THSD7A: variants seen among roughly 807,000 people sequenced by gnomAD.
THSD7A encodes the protein thrombospondin type 1 domain containing 7A, also known as thrombospondin type-1 domain-containing protein 7A.
THSD7A carries 96 observed loss-of-function variants against 231.3 expected under a neutral mutation model. The ratio of observed to expected loss-of-function variants is 0.41; its 90% CI spans 0.35 to 0.49. The LOEUF is 0.49. Ranked by LOEUF, THSD7A falls within the 20% of genes least tolerant of loss-of-function variation. The pLI is 0.05. For missense variants in THSD7A, 2,290 were observed against 2,070.2 expected (o/e 1.11, Z -2.06); for synonymous variants, 940 against 743.3 (o/e 1.26, Z -4.30).
Position 11,382,545 on chromosome 7 carries a change from T to G in THSD7A, c.4483A>C (p.Arg1495=). 1 of 1,612,742 alleles carries G rather than the reference T, an allele frequency of 6.2e-7. No homozygotes were observed. The highest frequency in any genetic ancestry group is 8.5e-7 in the Non-Finnish European group (1 of 1,179,108). ...CCTGTTACATTTATACCATCTGACCTTTGACACCACACTGTTCGGGAAGAG... is the reference window on the plus strand; with the variant it reads ...CCTGTTACATTTATACCATCTGACCGTTGACACCACACTGTTCGGGAAGAG... ...KGSSRTVWCQ[R]SDGINVTGGC... The change falls in exon 24 of 28, where the codon AGG becomes CGG. Residue 1495 remains arginine, a synonymous_variant. Coordinates refer to ENST00000423059, the MANE Select transcript of THSD7A (RefSeq NM_015204.3).
At chr7:11,611,787 AACACACACACAC>A (rs56683135) in intron 2 of THSD7A, among the ~76,000 whole-genome samples, 6,207 of 138,748 alleles carry the variant, frequency 0.045, 174 homozygotes, top group East Asian at 0.12. Context: ...AGTACCATAA[AACACACACACAC>A]ACACACACAC....
chr7:11,442,578 T>A (rs1241231543), intron 13 of THSD7A, among the ~76,000 whole-genome samples: 5 of 152,050 alleles, frequency 3.3e-5, no homozygotes, highest in African/African-American at 1.2e-4. Flanking sequence ...AGAAAGAAGT[T>A]GTCATAGAGA....
At position 11,411,836 on chromosome 7, in the gene THSD7A, G is replaced by GTCTT. The variant is rs1306858980; in HGVS notation, c.3683-518_3683-515dup. 6.6e-6 allele frequency among the ~76,000 whole-genome samples: 1 copy of GTCTT among 151,650 alleles called. No individual in the cohort carries two copies. Among genetic ancestry groups the GTCTT allele is most frequent in the Non-Finnish European group, 1.5e-5 (1 of 67,956 alleles). ...TGGCCATATTTATTCATTCTCTTAT[G>GTCTT]TCTTTCGTAAGAAGACATAAAAGAC... is the stretch of plus-strand genomic sequence containing the variant. On this transcript the variant is annotated intron_variant, in intron 18 of 27. Transcript: ENST00000423059. The surrounding 1 kb of genome is among the most constrained non-coding windows in gnomAD (Gnocchi z 4.1).
intron 4 of THSD7A, among the ~76,000 whole-genome samples, chr7:11,575,696 T>A (rs1342661386): frequency 6.6e-6 from 1 of 152,234 alleles, no homozygotes; most frequent in Non-Finnish European, 1.5e-5. Context: ...TACATCCATT[T>A]CGAAGTCTAT....
chr7:11,757,195 G>C (rs1362694215), intron 1 of THSD7A, among the ~76,000 whole-genome samples: 2 of 151,988 alleles, frequency 1.3e-5, no homozygotes, highest in African/African-American at 4.8e-5. Flanking sequence ...CACAATGGTA[G>C]AACAGCATTG....
chr7:11,572,070 A>G (rs1204469531), intron 4 of THSD7A, among the ~76,000 whole-genome samples: 1 of 152,110 alleles, frequency 6.6e-6, no homozygotes, highest in African/African-American at 2.4e-5. Context: ...TATTCCATTA[A>G]TCACTGAATC....
Position 11,590,460 on chromosome 7 carries a change from C to G in THSD7A, c.1453G>C (p.Ala485Pro). 1.2e-6 allele frequency: 2 copies of G among 1,607,396 alleles called. No individual in the cohort carries two copies. The highest frequency in any genetic ancestry group is 1.7e-6 in the Non-Finnish European group (2 of 1,177,028). Reference sequence around the variant, plus strand: ...TCCTTGAGAAGAAAGCAAAGGTTACCTTCTTTGTTCTTGTGGGTACTTAAT... The same window carrying G: ...TCCTTGAGAAGAAAGCAAAGGTTACGTTCTTTGTTCTTGTGGGTACTTAAT... Reference protein sequence around the residue: ...SQLSTHKNKEASKPMDLKLCT... With the variant: ...SQLSTHKNKEPSKPMDLKLCT... The change falls in exon 4 of 28, where the codon GCC (alanine) becomes CCC (proline). Residue 485 changes from alanine to proline, a missense_variant and splice_region_variant. By Grantham distance (27) the Ala-to-Pro change is conservative (BLOSUM62 -1). Coordinates refer to ENST00000423059, the MANE Select transcript of THSD7A (RefSeq NM_015204.3). The surrounding 1 kb of genome is among the most constrained non-coding windows in gnomAD (Gnocchi z 4.4).
chr7:11,776,079 C>G (rs1783395985), intron 1 of THSD7A, among the ~76,000 whole-genome samples: 1 of 152,096 alleles, frequency 6.6e-6, no homozygotes, highest in African/African-American at 2.4e-5. Context: ...CTTCTGATGT[C>G]GAAGCAGATG....
intron 4 of THSD7A, among the ~76,000 whole-genome samples, chr7:11,563,384 G>T (rs1562721758): frequency 6.6e-6 from 1 of 151,952 alleles, no homozygotes; most frequent in Non-Finnish European, 1.5e-5. Context: ...TTTTGAGACG[G>T]AGTGTCCCTC....
chr7:11,729,816 C>T (rs762446807), intron 1 of THSD7A, among the ~76,000 whole-genome samples: 42 of 151,650 alleles, frequency 2.8e-4, no homozygotes, highest in Non-Finnish European at 4.7e-4. Context: ...CTGAAGTACC[C>T]ATGGATACCA....
intron 1 of THSD7A, among the ~76,000 whole-genome samples, chr7:11,779,174 C>T (rs1030042719): frequency 2.6e-4 from 39 of 152,126 alleles, no homozygotes; most frequent in African/African-American, 9.2e-4. Context: ...ATATATCAAG[C>T]TCTTTTAATT....
chr7:11,536,468 T>C (rs567455497), intron 6 of THSD7A, among the ~76,000 whole-genome samples: 92 of 152,318 alleles, frequency 6.0e-4, no homozygotes, highest in African/African-American at 2.2e-3. Context: ...TATGGAGAAT[T>C]GGAAGTTTCT....
At chr7:11,464,743 T>C (rs1300198698) in intron 9 of THSD7A, among the ~76,000 whole-genome samples, 1 of 152,114 alleles carries the variant, frequency 6.6e-6, no homozygotes, top group African/African-American at 2.4e-5. Flanking sequence ...TGTGACCTGA[T>C]TCAAGTGGAA....
At chr7:11,376,723 A>G (rs1182372565) in intron 26 of THSD7A, 66 bp from the exon 27 acceptor site, 4 of 1,215,380 alleles carry the variant, frequency 3.3e-6, no homozygotes, top group Admixed American at 2.0e-5. Flanking sequence ...GTCTTTAACT[A>G]TGACCAATGA....
At chr7:11,830,520 T>C (rs149457635) in intron 1 of THSD7A, among the ~76,000 whole-genome samples, 89 of 152,364 alleles carry the variant, frequency 5.8e-4, no homozygotes, top group African/African-American at 2.1e-3. Context: ...ACTCAACTGA[T>C]CTTCAAACTT....
At chr7:11,422,850 A>G (rs1416504435) in intron 16 of THSD7A, among the ~76,000 whole-genome samples, 1 of 152,066 alleles carries the variant, frequency 6.6e-6, no homozygotes, top group East Asian at 1.9e-4. Flanking sequence ...ACAGGGTTTC[A>G]CCATGTTGGC....
intron 7 of THSD7A, among the ~76,000 whole-genome samples, chr7:11,476,017 T>C (rs1786160322): frequency 6.7e-6 from 1 of 150,210 alleles, no homozygotes; most frequent in African/African-American, 2.4e-5. Context: ...GTGGGAACCA[T>C]TTAAAAAATA....
chr7:11,477,112 G>A (rs979651731), intron 7 of THSD7A, among the ~76,000 whole-genome samples: 3 of 152,134 alleles, frequency 2.0e-5, no homozygotes, highest in Non-Finnish European at 4.4e-5. Context: ...CTGCATTCAA[G>A]TTTGCCAACT....
At chr7:11,823,314 A>G (rs1350378143) in intron 1 of THSD7A, among the ~76,000 whole-genome samples, 5 of 151,958 alleles carry the variant, frequency 3.3e-5, no homozygotes, top group African/African-American at 1.2e-4. Context: ...TGATCTATGC[A>G]TCTATTTTTA....
Sources: allele counts gnomAD v4.1 joint callset (sites outside exome capture counted in the v4.1 genomes callset), GRCh38; gene constraint gnomAD v4.1.1; non-coding constraint Gnocchi (gnomAD v3.1); transcripts MANE v1.5; gene names NCBI Gene and HGNC (gene_info 2026-07-23, HGNC 2026-07-21).